The following RIMS1 variants were observed in gnomAD, a reference collection of about 807,000 sequenced individuals.
RIMS1 encodes the protein regulating synaptic membrane exocytosis 1.
Under a neutral mutation model 214.1 loss-of-function variants are expected in RIMS1, and 83 were observed. That is an observed-to-expected ratio of 0.39 (90% CI 0.32 to 0.47). The LOEUF (loss-of-function observed/expected upper bound fraction) is 0.47, where lower values mean the gene tolerates loss of function less well. RIMS1 is among the 20% of genes least tolerant of loss of function. The pLI is 0.99. For missense variants in RIMS1, 2,050 were observed against 2,161.8 expected, an observed-to-expected ratio of 0.95 and a Z score of 1.03; for synonymous variants, 793 against 786.8, an observed-to-expected ratio of 1.01 and a Z score of -0.13.
chr6:72,325,544 A>G (rs1178399513), intron 28 of RIMS1, among the ~76,000 whole-genome samples: 1 of 151,528 alleles, frequency 6.6e-6, no homozygotes, highest in Non-Finnish European at 1.5e-5. Flanking sequence ...ATTTTTATGT[A>G]CTAGCAACAA....
intron 28 of RIMS1, among the ~76,000 whole-genome samples, chr6:72,319,014 C>T (rs2154307383): frequency 6.6e-6 from 1 of 151,626 alleles, no homozygotes; most frequent in African/African-American, 2.4e-5. Context: ...TGATGTGTTA[C>T]CATTTTTTAA....
intron 2 of RIMS1, among the ~76,000 whole-genome samples, chr6:72,095,001 G>T (rs895519820): frequency 2.0e-5 from 3 of 151,176 alleles, no homozygotes; most frequent in Non-Finnish European, 4.4e-5. Context: ...ACCCAGGCTG[G>T]AGTGCAGTGG....
At chr6:72,132,775 T>C (rs764026180) in intron 4 of RIMS1, among the ~76,000 whole-genome samples, 18 of 152,218 alleles carry the variant, frequency 1.2e-4, no homozygotes, top group Non-Finnish European at 2.2e-4. Flanking sequence ...TATCATATTA[T>C]GTTCTAAACA....
intron 26 of RIMS1, among the ~76,000 whole-genome samples, chr6:72,297,379 G>A (rs1375364823): frequency 1.3e-5 from 2 of 151,812 alleles, no homozygotes; most frequent in East Asian, 3.9e-4. Flanking sequence ...TTAGAAATGG[G>A]CCATGATCTA....
intron 29 of RIMS1, among the ~76,000 whole-genome samples, chr6:72,380,590 A>C (rs1295567318): frequency 6.6e-6 from 1 of 152,222 alleles, no homozygotes; most frequent in Non-Finnish European, 1.5e-5. Context: ...AATGTGAAGT[A>C]AATGTGCTAT....
At chr6:71,950,728 T>C (rs913324822) in intron 1 of RIMS1, among the ~76,000 whole-genome samples, 2 of 152,220 alleles carry the variant, frequency 1.3e-5, no homozygotes, top group African/African-American at 4.8e-5. Flanking sequence ...CTTGTTTCCC[T>C]CCAGAAACAT....
chr6:71,948,377 G>A (rs892944936), intron 1 of RIMS1, among the ~76,000 whole-genome samples: 1 of 152,158 alleles, frequency 6.6e-6, no homozygotes, highest in African/African-American at 2.4e-5. Context: ...AAGTAACATT[G>A]AATATTTCTT....
intron 2 of RIMS1, among the ~76,000 whole-genome samples, chr6:72,012,695 A>T (rs1257353181): frequency 6.6e-6 from 1 of 152,180 alleles, no homozygotes; most frequent in Non-Finnish European, 1.5e-5. Context: ...TGTACACAGC[A>T]AGGTTATAAT....
At position 72,251,238 on chromosome 6, in the gene RIMS1, G is replaced by A. The variant is rs769466745; in HGVS notation, c.2568G>A (p.Ala856=). ...AGATCCTCATAGAATTGGAGACAGC[G>A]CTTTTAGATGATGAACCGCATTGGT... ...LGEILIELET[A]LLDDEPHWYK... Residue 856 remains alanine, a synonymous_variant, in exon 15 of 34, where the codon GCG becomes GCA. Transcript: ENST00000521978. 1.4e-5 allele frequency: 23 copies of A among 1,597,942 alleles called. No individual in the cohort carries two copies. Among genetic ancestry groups the A allele is most frequent in the Middle Eastern group, 1.6e-4 (1 of 6,074 alleles).
chr6:71,897,735 G>A (rs1284565907), intron 1 of RIMS1, among the ~76,000 whole-genome samples: 1 of 152,086 alleles, frequency 6.6e-6, no homozygotes, highest in Admixed American at 6.6e-5. Flanking sequence ...CTGGAAAGGA[G>A]GACCATTCTT....
rs547859293 is a variant in RIMS1 at position 72,343,479 on chromosome 6, T to A, written c.4366+9644T>A. Among the ~76,000 whole-genome samples, 90 of 142,202 alleles carry A rather than the reference T, an allele frequency of 6.3e-4. No homozygotes were observed. The East Asian group carries it at 9.6e-3, about 15-fold the overall frequency. 93.3% of individuals were successfully genotyped at this position (142,202 alleles called of 152,430 possible). A position where few individuals can be genotyped will look rare whatever the true frequency, so the allele number is the denominator to read the frequency against. On this transcript the variant is annotated intron_variant, in intron 29 of 33. Transcript: ENST00000521978. Reference sequence around the variant, plus strand: ...GAAAATCTTACTCCTTTCTTTTCTTTCTTCTTCTTCTTCTTTTTTTTTTTT... The same window carrying A: ...GAAAATCTTACTCCTTTCTTTTCTTACTTCTTCTTCTTCTTTTTTTTTTTT...
intron 1 of RIMS1, among the ~76,000 whole-genome samples, chr6:71,917,880 T>C (rs1778885833): frequency 6.6e-6 from 1 of 152,142 alleles, no homozygotes; most frequent in South Asian, 2.1e-4. Flanking sequence ...CAAAGGAGTC[T>C]ATGATGTTTC....
intron 1 of RIMS1, among the ~76,000 whole-genome samples, chr6:71,895,694 A>G (rs1169181868): frequency 6.9e-6 from 1 of 145,268 alleles, no homozygotes; most frequent in Non-Finnish European, 1.5e-5. Flanking sequence ...AAAAAAAAAA[A>G]AAAGAAGGAA....
chr6:71,962,701 C>G (rs1561979161), intron 1 of RIMS1, among the ~76,000 whole-genome samples: 1 of 152,074 alleles, frequency 6.6e-6, no homozygotes, highest in African/African-American at 2.4e-5. Context: ...TATTCTTCAG[C>G]TTTTCTTCAT....
At position 71,969,045 on chromosome 6, in the gene RIMS1, A is replaced by T. The variant is rs753365349; in HGVS notation, c.227A>T (p.Gln76Leu). 6.2e-7 allele frequency: 1 copy of T among 1,614,040 alleles called. No homozygotes were observed. The highest frequency in any genetic ancestry group is 8.5e-7 in the Non-Finnish European group (1 of 1,179,880). The part of the protein sequence containing the change: ...ACKTPRNAEN[Q>L]PHQPSPRLHQ... ...AAAACACCAAGAAATGCTGAAAACCAGCCCCACCAACCTTCACCGTGAGTA... is the reference window on the plus strand; with the variant it reads ...AAAACACCAAGAAATGCTGAAAACCTGCCCCACCAACCTTCACCGTGAGTA... Residue 76 changes from glutamine (Q) to leucine (L), a missense_variant, in exon 2 of 34, where the codon CAG becomes CTG. Gln to Leu is a moderately radical substitution (Grantham distance 113). Coordinates refer to ENST00000521978, the MANE Select transcript of RIMS1 (RefSeq NM_014989.7).
At chr6:72,251,655 C>G (rs2073379207) in intron 15 of RIMS1, among the ~76,000 whole-genome samples, 1 of 152,120 alleles carries the variant, frequency 6.6e-6, no homozygotes, top group Non-Finnish European at 1.5e-5. Context: ...GGAATAATTT[C>G]TGTCATCACT....
At chr6:72,025,856 G>A (rs1816280148) in intron 2 of RIMS1, among the ~76,000 whole-genome samples, 1 of 152,170 alleles carries the variant, frequency 6.6e-6, no homozygotes, top group South Asian at 2.1e-4. Context: ...GACTAGTGCT[G>A]GAAGATTCGC....
intron 1 of RIMS1, among the ~76,000 whole-genome samples, chr6:71,948,490 C>G (rs375552463): frequency 5.9e-5 from 9 of 152,242 alleles, no homozygotes; most frequent in African/African-American, 2.2e-4. Context: ...TGAATGTGAA[C>G]AGTATAGAAC....
intron 19 of RIMS1, chr6:72,261,472 A>T (rs1011187510): frequency 4.2e-5 from 41 of 971,778 alleles, no homozygotes; most frequent in Non-Finnish European, 4.8e-5. Flanking sequence ...ATCTCATTAC[A>T]TCTTTAATTT....
Sources: gnomAD v4.1 joint callset for allele counts (sites outside exome capture counted in the v4.1 genomes callset) on GRCh38, gnomAD v4.1.1 for gene constraint, MANE v1.5 for transcripts, NCBI Gene and HGNC (gene_info 2026-07-23, HGNC 2026-07-21) for gene names.